ACBD6: variants seen among roughly 807,000 people sequenced by gnomAD.
ACBD6 encodes the protein acyl-CoA binding domain containing 6.
In ACBD6, 28 loss-of-function variants were observed where a neutral mutation model predicts 37.2. The ratio of observed to expected loss-of-function variants is 0.75; its 90% CI spans 0.56 to 1.03. ACBD6 has a LOEUF of 1.03. Ranked by LOEUF, ACBD6 falls within the 50% of genes least tolerant of loss-of-function variation. ACBD6 has a pLI of 0.00. For missense variants in ACBD6, 340 were observed against 337.4 expected (o/e 1.01, Z -0.06); for synonymous variants, 113 against 126.8 (o/e 0.89, Z 0.73).
intron 6 of ACBD6, among the ~76,000 whole-genome samples, chr1:180,365,345 A>G (rs1256353371): frequency 1.3e-5 from 2 of 152,194 alleles, no homozygotes; most frequent in Non-Finnish European, 2.9e-5. Context: ...TATGAAATTA[A>G]CTGACAGTTA....
intron 3 of ACBD6, among the ~76,000 whole-genome samples, chr1:180,450,543 G>A (rs1156767475): frequency 6.6e-6 from 1 of 152,182 alleles, no homozygotes; most frequent in African/African-American, 2.4e-5. Flanking sequence ...TGGATCACGA[G>A]GTCAGGAGAT....
intron 3 of ACBD6, among the ~76,000 whole-genome samples, chr1:180,433,144 T>C (rs1394125447): frequency 6.6e-6 from 1 of 152,084 alleles, no homozygotes; most frequent in Non-Finnish European, 1.5e-5. Context: ...AAAAATCAAC[T>C]AAATATTAAT....
intron 5 of ACBD6, among the ~76,000 whole-genome samples, chr1:180,406,019 T>C (rs1236318443): frequency 6.6e-6 from 1 of 152,140 alleles, no homozygotes; most frequent in African/African-American, 2.4e-5. Context: ...ATTTAATTTT[T>C]TAAAAAAGTA....
chr1:180,277,157 G>C (rs903244043), intron 9 of ACBD6: 7 of 152,164 alleles, frequency 4.6e-5, no homozygotes, highest in East Asian at 3.8e-4. Context: ...AGCCACAGTA[G>C]GTCTAAGATT....
intron 3 of ACBD6, chr1:180,435,905 G>A: frequency 7.2e-7 from 1 of 1,390,638 alleles, no homozygotes; most frequent in Non-Finnish European, 1.0e-6. Flanking sequence ...CAATGGTGGT[G>A]GCCACAAGCT....
At chr1:180,385,352 G>GT (rs1213632584) in intron 6 of ACBD6, among the ~76,000 whole-genome samples, 10 of 149,996 alleles carry the variant, frequency 6.7e-5, no homozygotes, top group African/African-American at 2.5e-4. Context: ...TACATTAAAT[G>GT]TAAATGAATT....
At chr1:180,290,747 G>A (rs1649668948) in intron 7 of ACBD6, among the ~76,000 whole-genome samples, 1 of 152,226 alleles carries the variant, frequency 6.6e-6, no homozygotes, top group African/African-American at 2.4e-5. Flanking sequence ...TGCAGAATGC[G>A]AAAATACCAC....
At chr1:180,369,774 C>G (rs1653185506) in intron 6 of ACBD6, among the ~76,000 whole-genome samples, 1 of 152,162 alleles carries the variant, frequency 6.6e-6, no homozygotes, top group Non-Finnish European at 1.5e-5. Context: ...AAGAGTACAT[C>G]AAATTTATCT....
intron 3 of ACBD6, among the ~76,000 whole-genome samples, chr1:180,480,945 TG>T (rs1452817902): frequency 1.3e-5 from 2 of 151,410 alleles, no homozygotes; most frequent in Non-Finnish European, 2.9e-5. Context: ...GCAGGAGAAT[TG>T]CTGGAACCCG....
At chr1:180,394,627 TG>T (rs566456499) in intron 6 of ACBD6, among the ~76,000 whole-genome samples, 237 of 152,220 alleles carry the variant, frequency 1.6e-3, no homozygotes, top group African/African-American at 5.4e-3. Flanking sequence ...AGCAATGGAA[TG>T]GAAGAACAAG....
exon 11 of ACBD6, chr1:180,274,112 C>G (rs1438485161): frequency 6.3e-7 from 1 of 1,580,554 alleles, no homozygotes; most frequent in Non-Finnish European, 8.7e-7. Context: ...CATGTGTGTT[C>G]CTAGGTTGTG....
chr1:180,411,181 GCAAA>G (rs1647840276), intron 5 of ACBD6, among the ~76,000 whole-genome samples: 1 of 152,180 alleles, frequency 6.6e-6, no homozygotes, highest in African/African-American at 2.4e-5. Flanking sequence ...TTATGGATAA[GCAAA>G]CAAAGTGGTT....
intron 6 of ACBD6, among the ~76,000 whole-genome samples, chr1:180,385,780 C>A (rs1653825597): frequency 6.6e-6 from 1 of 152,110 alleles, no homozygotes; most frequent in South Asian, 2.1e-4. Flanking sequence ...ACCTCCAGAA[C>A]TGTGGGAATA....
intron 6 of ACBD6, among the ~76,000 whole-genome samples, chr1:180,360,919 C>T (rs1479048646): frequency 1.3e-5 from 2 of 152,052 alleles, no homozygotes; most frequent in Admixed American, 1.3e-4. Flanking sequence ...AGAGTAATAA[C>T]CAAGTATGCT....
At chr1:180,500,132 TAA>T (rs778814281) in intron 1 of ACBD6, among the ~76,000 whole-genome samples, 53 of 133,192 alleles carry the variant, frequency 4.0e-4, no homozygotes, top group Non-Finnish European at 4.9e-4. Context: ...CTTTTTTAGT[TAA>T]AAAAAAAAAA....
chr1:180,418,917 T>G (rs1648225304), intron 4 of ACBD6, among the ~76,000 whole-genome samples: 1 of 152,218 alleles, frequency 6.6e-6, no homozygotes, highest in Non-Finnish European at 1.5e-5. Context: ...CAAAACAAAG[T>G]ACTTAATAAA....
intron 3 of ACBD6, among the ~76,000 whole-genome samples, chr1:180,473,533 T>G (rs1405531493): frequency 2.0e-5 from 3 of 151,386 alleles, no homozygotes; most frequent in African/African-American, 7.3e-5. Context: ...AACTTTAAAA[T>G]GTCTCTATCT....
intron 4 of ACBD6, among the ~76,000 whole-genome samples, chr1:180,418,701 CTAAT>C (rs1254532273): frequency 6.6e-6 from 1 of 152,218 alleles, no homozygotes; most frequent in African/African-American, 2.4e-5. Flanking sequence ...TAATTAATAT[CTAAT>C]TAAAATTACA....
intron 6 of ACBD6, among the ~76,000 whole-genome samples, chr1:180,315,960 TAAACTC>T (rs1650782924): frequency 6.6e-6 from 1 of 152,076 alleles, no homozygotes; most frequent in East Asian, 1.9e-4. Context: ...ATAAAGATAA[TAAACTC>T]TAAGAAAAGT....
Sources: gnomAD v4.1 joint callset for allele counts (sites outside exome capture counted in the v4.1 genomes callset) on GRCh38, gnomAD v4.1.1 for gene constraint, MANE v1.5 for transcripts, NCBI Gene and HGNC (gene_info 2026-07-23, HGNC 2026-07-21) for gene names.